The following ARFGEF2 variants were observed in gnomAD, a reference collection of about 807,000 sequenced individuals.
The protein encoded by ARFGEF2 is brefeldin A-inhibited guanine nucleotide-exchange protein 2.
ARFGEF2 carries 74 observed loss-of-function variants against 219.9 expected under a neutral mutation model. That is an observed-to-expected ratio of 0.34 (90% CI 0.28 to 0.41). The LOEUF (loss-of-function observed/expected upper bound fraction) is 0.41. Among genes scored for constraint, ARFGEF2 ranks in the 10% least tolerant of loss-of-function variants. The pLI, the probability that ARFGEF2 is intolerant of heterozygous loss-of-function variation, is 1.00. For synonymous variants in ARFGEF2, 733 were observed against 799.2 expected, an observed-to-expected ratio of 0.92 and a Z score of 1.40; for missense variants, 1,743 against 2,218.3, an observed-to-expected ratio of 0.79 and a Z score of 4.30.
chr20:48,978,288 A>T (rs1357295211), intron 14 of ARFGEF2, among the ~76,000 whole-genome samples: 1 of 152,172 alleles, frequency 6.6e-6, no homozygotes, highest in East Asian at 1.9e-4. Context: ...AGATGGTTGT[A>T]GATGCATGGT....
chr20:48,995,858 A>G lies in ARFGEF2; in HGVS notation c.3197A>G (p.Gln1066Arg), dbSNP rs759142089. 1 of 1,614,206 alleles carries G rather than the reference A, an allele frequency of 6.2e-7. No homozygotes were observed. Among genetic ancestry groups the G allele is most frequent in the South Asian group, 1.1e-5 (1 of 91,082 alleles). ...FQESVGETSS[Q>R]SVVVAVDRIF... ...GAATCGGTTGGTGAGACCAGCTCGC[A>G]GAGTGTGGTTGTAGCTGTGGACAGG... The change falls in exon 23 of 39, where the codon CAG becomes CGG. Residue 1066 changes from glutamine (Q) to arginine (R), a missense_variant. Transcript: ENST00000371917.
chr20:49,024,208 A>G (rs556736816), intron 35 of ARFGEF2, among the ~76,000 whole-genome samples: 147 of 151,674 alleles, frequency 9.7e-4, no homozygotes, highest in Non-Finnish European at 1.6e-3. Context: ...CTTGGACTCA[A>G]GCAATCTGCC....
At position 48,969,408 on chromosome 20, in the gene ARFGEF2, T is replaced by C. The variant is rs1600620628; in HGVS notation, c.1190+131T>C. ...TTTGTCAGTGTAAGTGCAGGAACGG[T>C]TTTACAACTTTTCAGACTCATGCAG... On this transcript the variant is annotated intron_variant, in intron 9 of 38. Transcript: ENST00000371917. 3 of 1,539,268 alleles carry C rather than the reference T, an allele frequency of 1.9e-6. No individual in the cohort carries two copies. The East Asian group carries it at 6.9e-5, about 35-fold the overall frequency.
chr20:49,024,865 G>A (rs563738305), intron 35 of ARFGEF2, among the ~76,000 whole-genome samples: 44 of 152,078 alleles, frequency 2.9e-4, no homozygotes, highest in South Asian at 4.1e-4. Context: ...GCATGGTGGC[G>A]AGCACCTGTA....
chr20:48,975,366 T>C (rs1292686025), intron 13 of ARFGEF2, among the ~76,000 whole-genome samples: 1 of 152,170 alleles, frequency 6.6e-6, no homozygotes, highest in Admixed American at 6.5e-5. Flanking sequence ...GGATTTTCTA[T>C]TCTGTTCTGT....
intron 1 of ARFGEF2, among the ~76,000 whole-genome samples, chr20:48,930,803 C>A (rs2090908558): frequency 6.6e-6 from 1 of 151,986 alleles, no homozygotes; most frequent in African/African-American, 2.4e-5. Flanking sequence ...AATGGGAAGC[C>A]TGGTGAGACG....
rs985258128 is a variant in ARFGEF2 at position 48,922,162 on chromosome 20, G to C, written c.121+152G>C. 658 of 1,310,718 alleles carry C rather than the reference G, an allele frequency of 5.0e-4. 1 individual carries two copies. Among genetic ancestry groups the C allele is most frequent in the Non-Finnish European group, 4.9e-4 (479 of 981,940 alleles). 81.2% of individuals were successfully genotyped at this position (1,310,718 alleles called of 1,614,324 possible). A position where few individuals can be genotyped will look rare whatever the true frequency, so the allele number is the denominator to read the frequency against. ...CCTCCTCCTCATTATACCCCCGGAGGAAGTGTTGCCCGGGCAGCTCGGGAC... is the reference window on the plus strand; with the variant it reads ...CCTCCTCCTCATTATACCCCCGGAGCAAGTGTTGCCCGGGCAGCTCGGGAC... On this transcript the variant is annotated intron_variant, in intron 1 of 38. Coordinates refer to ENST00000371917, the MANE Select transcript of ARFGEF2 (RefSeq NM_006420.3).
At chr20:48,928,621 A>G (rs1289861146) in intron 1 of ARFGEF2, among the ~76,000 whole-genome samples, 1 of 149,738 alleles carries the variant, frequency 6.7e-6, no homozygotes, top group Admixed American at 6.8e-5. Context: ...CAGCCTCCCA[A>G]GTAGCTGGGA....
At chr20:48,941,362 G>T (rs928385835) in intron 2 of ARFGEF2, 133 bp downstream of exon 2, 3 of 926,286 alleles carry the variant, frequency 3.2e-6, no homozygotes, top group African/African-American at 1.6e-5. Context: ...CAAGCATGGT[G>T]CTAGGCACAC....
chr20:48,971,150 C>T lies in ARFGEF2; in HGVS notation c.1221C>T (p.Ser407=). 6.2e-7 allele frequency: 1 copy of T among 1,614,092 alleles called. No individual in the cohort carries two copies. The highest frequency in any genetic ancestry group is 8.5e-7 in the Non-Finnish European group (1 of 1,180,022). Residue 407 remains serine (S), a synonymous_variant, in exon 10 of 39, where the codon TCC becomes TCT. Transcript: ENST00000371917. The part of the protein sequence containing the change: ...KSHELRSKVV[S]LQLLLSVLQN... ...ATGAGCTGCGTTCCAAGGTGGTTTC[C>T]CTGCAGCTGCTCCTCTCTGTGTTGC...
chr20:48,998,305 C>T, intron 24 of ARFGEF2, 31 bp from the exon 25 acceptor site: 2 of 1,614,200 alleles, frequency 1.2e-6, no homozygotes, highest in South Asian at 1.1e-5. Flanking sequence ...CCTAACGAGG[C>T]TTTGCTTGTG....
Position 48,988,263 on chromosome 20 carries a change from G to C in ARFGEF2, c.2277-41G>C, listed in dbSNP as rs373044990. On this transcript the variant is annotated intron_variant, in intron 16 of 38. Coordinates refer to ENST00000371917, the MANE Select transcript of ARFGEF2 (RefSeq NM_006420.3). ...CTGTTAGCATTGTACCTTCCAAACC[G>C]CATCACCATGAATATTGATGTCTCG... 2 of 1,432,440 alleles carry C rather than the reference G, an allele frequency of 1.4e-6. 1 individual carries two copies. Among genetic ancestry groups the C allele is most frequent in the South Asian group, 2.3e-5 (2 of 86,976 alleles). 88.7% of individuals were successfully genotyped at this position (1,432,440 alleles called of 1,614,324 possible).
chr20:48,946,099 A>T (rs1197326315), intron 3 of ARFGEF2, among the ~76,000 whole-genome samples: 1 of 152,166 alleles, frequency 6.6e-6, no homozygotes, highest in Non-Finnish European at 1.5e-5. Context: ...AGTGTGGGCA[A>T]GGTAACCTCT....
At chr20:49,027,206 C>G (rs1237537376) in intron 36 of ARFGEF2, among the ~76,000 whole-genome samples, 1 of 152,062 alleles carries the variant, frequency 6.6e-6, no homozygotes, top group Non-Finnish European at 1.5e-5. Flanking sequence ...CTGCCTCAGC[C>G]TCCCAAGTAG....
At chr20:48,939,849 A>G (rs2090982813) in intron 1 of ARFGEF2, among the ~76,000 whole-genome samples, 1 of 152,244 alleles carries the variant, frequency 6.6e-6, no homozygotes, top group Non-Finnish European at 1.5e-5. Flanking sequence ...GGAAATTTGC[A>G]GCCTTCAGTA....
Position 48,941,946 on chromosome 20 carries a change from A to C in ARFGEF2, c.235A>C (p.Lys79Gln), listed in dbSNP as rs2123318399. 1 of 1,614,168 alleles carries C rather than the reference A, an allele frequency of 6.2e-7. No individual in the cohort carries two copies. Among genetic ancestry groups the C allele is most frequent in the Non-Finnish European group, 8.5e-7 (1 of 1,180,032 alleles). ...TCCATTCGAGCTAGCTTGCCAGTCC[A>C]AGTCCCCAAGGGTAGTCAGCACATC... ...FLPFELACQS[K>Q]SPRVVSTSLD... is the part of the protein sequence containing the mutation. Residue 79 changes from lysine (K) to glutamine (Q), a missense_variant, in exon 3 of 39, where the codon AAG (lysine) becomes CAG (glutamine). Physicochemically the swap from Lys to Gln is moderately conservative, Grantham distance 53 (BLOSUM62 1). This residue lies in a region of ARFGEF2 where 394 missense variants were observed against 426.6 expected (regional missense o/e 0.92). Coordinates refer to ENST00000371917, the MANE Select transcript of ARFGEF2 (RefSeq NM_006420.3).
At position 48,999,577 on chromosome 20, in the gene ARFGEF2, C is replaced by T. The variant is rs532621011; in HGVS notation, c.3432+1072C>T. ...CCTGGCTAACATGGTGAAACCCCATCTCTACTAAAAATACAAAAGTTTAGC... is the reference window on the plus strand; with the variant it reads ...CCTGGCTAACATGGTGAAACCCCATTTCTACTAAAAATACAAAAGTTTAGC... On this transcript the variant is annotated intron_variant, in intron 25 of 38. Transcript: ENST00000371917. Among the ~76,000 whole-genome samples, 3 of 151,998 alleles carry T rather than the reference C, an allele frequency of 2.0e-5. No individual in the cohort carries two copies. In the South Asian group the frequency reaches 6.2e-4, roughly 32 times the overall value.
At chr20:48,987,266 C>T (rs1308593275) in intron 16 of ARFGEF2, among the ~76,000 whole-genome samples, 2 of 152,308 alleles carry the variant, frequency 1.3e-5, no homozygotes, top group South Asian at 2.1e-4. Flanking sequence ...CCAGTTTCAT[C>T]TCATATTAAA....
At chr20:48,987,630 GA>G (rs1329732612) in intron 16 of ARFGEF2, among the ~76,000 whole-genome samples, 1 of 152,168 alleles carries the variant, frequency 6.6e-6, no homozygotes, top group Admixed American at 6.5e-5. Context: ...CTTAGTGTGT[GA>G]AATATAGTGA....
Sources: allele counts gnomAD v4.1 joint callset (sites outside exome capture counted in the v4.1 genomes callset), GRCh38; gene constraint gnomAD v4.1.1; regional missense constraint gnomAD v4.1.1; transcripts MANE v1.5; gene names NCBI Gene and HGNC (gene_info 2026-07-23, HGNC 2026-07-21).